Variants in MECOM observed in about 807,000 individuals in gnomAD.
MECOM encodes the protein histone-lysine N-methyltransferase MECOM.
In MECOM, 13 loss-of-function variants were observed where a neutral mutation model predicts 116.3. The observed-to-expected ratio is 0.11, with a 90% confidence interval of 0.07 to 0.18. The LOEUF (loss-of-function observed/expected upper bound fraction) is 0.18, where lower values mean the gene tolerates loss of function less well. Ranked by LOEUF, MECOM falls within the 10% of genes least tolerant of loss-of-function variation. The probability of loss-of-function intolerance (pLI) is 1.00; values close to 1 mark genes in which losing one functional copy is unlikely to be tolerated. For synonymous variants in MECOM, 528 were observed against 535.2 expected (o/e 0.99, Z 0.19); for missense variants, 1,299 against 1,509.0 (o/e 0.86, Z 2.31).
At chr3:169,451,728 CTA>C (rs781188277) in intron 1 of MECOM, among the ~76,000 whole-genome samples, 11 of 151,930 alleles carry the variant, frequency 7.2e-5, no homozygotes, top group Non-Finnish European at 1.3e-4. Flanking sequence ...ATTTTTATTT[CTA>C]TGTAAAATAC....
intron 1 of MECOM, among the ~76,000 whole-genome samples, chr3:169,632,795 G>A (rs1772249874): frequency 6.6e-6 from 1 of 152,084 alleles, no homozygotes; most frequent in Admixed American, 6.5e-5. Context: ...ATTTTTGTTT[G>A]GTTTGATTTT....
intron 1 of MECOM, among the ~76,000 whole-genome samples, chr3:169,510,653 T>TCACATC (rs1755853233): frequency 6.6e-6 from 1 of 151,724 alleles, no homozygotes; most frequent in African/African-American, 2.4e-5. Flanking sequence ...AAGGTCAGGG[T>TCACATC]CACATCGCAA....
intron 1 of MECOM, among the ~76,000 whole-genome samples, chr3:169,534,557 A>C (rs552264543): frequency 4.3e-4 from 65 of 152,008 alleles, no homozygotes; most frequent in African/African-American, 1.4e-3. Flanking sequence ...TTAAAAAAAA[A>C]CCCTACTGAC....
chr3:169,269,985 T>C (rs189283356), intron 2 of MECOM, among the ~76,000 whole-genome samples: 1 of 152,268 alleles, frequency 6.6e-6, no homozygotes, highest in Admixed American at 6.5e-5. Flanking sequence ...TGTGTGTGTG[T>C]GTGTGTAGGT....
Position 169,439,656 on chromosome 3 carries a change from G to A in MECOM, c.38-58132C>T, listed in dbSNP as rs1035942695. 3.9e-5 allele frequency among the ~76,000 whole-genome samples: 6 copies of A among 152,170 alleles called. No homozygotes were observed. The Middle Eastern group carries it at 0.014, about 345-fold the overall frequency. ...ACATTGCTGATGTGTGTGTAAATTG[G>A]CACAATTACTTCCAAACAATATTGT... On this transcript the variant is annotated intron_variant, in intron 1 of 16. Transcript: ENST00000651503.
chr3:169,646,984 A>C (rs2110064196), intron 1 of MECOM, among the ~76,000 whole-genome samples: 1 of 152,362 alleles, frequency 6.6e-6, no homozygotes, highest in Non-Finnish European at 1.5e-5. Flanking sequence ...AAGCTTTCTC[A>C]TTTTAAATTG....
At chr3:169,126,787 G>A (rs1405691451) in intron 5 of MECOM, among the ~76,000 whole-genome samples, 1 of 151,966 alleles carries the variant, frequency 6.6e-6, no homozygotes, top group Non-Finnish European at 1.5e-5. Flanking sequence ...AGGAGAAGAG[G>A]ATATAGGGCT....
chr3:169,643,061 G>C (rs1035301511), intron 1 of MECOM, among the ~76,000 whole-genome samples: 1 of 152,178 alleles, frequency 6.6e-6, no homozygotes, highest in African/African-American at 2.4e-5. Flanking sequence ...ATCTACAAAT[G>C]GTTACTGCAA....
At position 169,092,686 on chromosome 3, in the gene MECOM, G is replaced by A. The variant is rs543945142; in HGVS notation, c.3164+272C>T. Among the ~76,000 whole-genome samples the A allele has an allele frequency of 2.0e-5, 3 of 152,128 alleles. No individual in the cohort carries two copies. In the South Asian group the frequency reaches 6.2e-4, roughly 32 times the overall value. On this transcript the variant is annotated intron_variant, in intron 14 of 16. Coordinates refer to ENST00000651503, the MANE Select transcript of MECOM (RefSeq NM_004991.4). ...GTTGAATCCCATTGATTACTTATGT[G>A]ACCTCTGACACAATGGTTTAAGCTT...
chr3:169,122,860 G>A, intron 5 of MECOM, 133 bp from the exon 6 acceptor site: 1 of 997,950 alleles, frequency 1.0e-6, no homozygotes. Context: ...GGGAAGAGCA[G>A]AAACAGGCTT....
intron 2 of MECOM, chr3:169,146,041 C>G: frequency 4.2e-6 from 1 of 237,470 alleles, no homozygotes. Context: ...ATGTCTTAAT[C>G]GTGTCGGAAA....
chr3:169,401,970 A>G (rs1400039719), intron 1 of MECOM, among the ~76,000 whole-genome samples: 1 of 152,152 alleles, frequency 6.6e-6, no homozygotes, highest in Non-Finnish European at 1.5e-5. Context: ...TAGCATGATC[A>G]CTCTGATTCA....
At chr3:169,593,380 T>C (rs1766666025) in intron 1 of MECOM, among the ~76,000 whole-genome samples, 1 of 152,182 alleles carries the variant, frequency 6.6e-6, no homozygotes, top group East Asian at 1.9e-4. Context: ...AGCATAAATA[T>C]TACAGCTAGA....
At chr3:169,492,742 A>C (rs1043083762) in intron 1 of MECOM, among the ~76,000 whole-genome samples, 43 of 152,268 alleles carry the variant, frequency 2.8e-4, no homozygotes, top group African/African-American at 1.0e-3. Flanking sequence ...CGGGCAGATC[A>C]CTTGAGGTCA....
chr3:169,285,788 T>C (rs769424085), intron 2 of MECOM, among the ~76,000 whole-genome samples: 2 of 152,186 alleles, frequency 1.3e-5, no homozygotes, highest in African/African-American at 2.4e-5. Flanking sequence ...TAGCATGTGC[T>C]ATGGTGTTTC....
intron 2 of MECOM, among the ~76,000 whole-genome samples, chr3:169,333,248 A>AG (rs1417488793): frequency 6.6e-6 from 1 of 152,136 alleles, no homozygotes; most frequent in Non-Finnish European, 1.5e-5. Flanking sequence ...AGGGGTGTGG[A>AG]GGGACAAGAG....
At chr3:169,392,900 A>G (rs556766752) in intron 1 of MECOM, among the ~76,000 whole-genome samples, 1 of 152,076 alleles carries the variant, frequency 6.6e-6, no homozygotes, top group Admixed American at 6.6e-5. Flanking sequence ...TTTTGGGGGG[A>G]TTATCTACCC....
intron 1 of MECOM, among the ~76,000 whole-genome samples, chr3:169,525,381 A>G (rs1757848122): frequency 6.6e-6 from 1 of 152,232 alleles, no homozygotes; most frequent in African/African-American, 2.4e-5. Context: ...TAAATTTTAC[A>G]TGCTCTGCTA....
At chr3:169,563,080 A>AG (rs1195071235) in intron 1 of MECOM, among the ~76,000 whole-genome samples, 5 of 151,892 alleles carry the variant, frequency 3.3e-5, no homozygotes, top group Admixed American at 3.3e-4. Flanking sequence ...AAAAAAAAAA[A>AG]AAAATGCTGA....
Sources: gnomAD v4.1 joint callset for allele counts (sites outside exome capture counted in the v4.1 genomes callset) on GRCh38, gnomAD v4.1.1 for gene constraint, MANE v1.5 for transcripts, NCBI Gene and HGNC (gene_info 2026-07-23, HGNC 2026-07-21) for gene names.